DMD: variants seen among roughly 807,000 people sequenced by gnomAD.
DMD encodes dystrophin, also known as mutant dystrophin.
DMD carries 63 observed loss-of-function variants against 330.1 expected under a neutral mutation model. The observed-to-expected ratio is 0.19, with a 90% CI of 0.16 to 0.24. DMD has a LOEUF of 0.24. Ranked by LOEUF, DMD falls within the 10% of genes least tolerant of loss-of-function variation. The pLI, the probability that DMD is intolerant of heterozygous loss-of-function variation, is 1.00. For missense variants in DMD, 3,344 were observed against 2,684.1 expected (o/e 1.25, Z -5.43); for synonymous variants, 1,223 against 959.8 (o/e 1.27, Z -5.07).
At chrX:32,990,828 C>A (rs1424120194) in intron 2 of DMD, among the ~76,000 whole-genome samples, 2 of 111,240 alleles carry the variant, frequency 1.8e-5, no homozygotes, top group Middle Eastern at 4.7e-3. Flanking sequence ...TTGTGTCACA[C>A]AAGGAGAAAC....
At chrX:32,649,004 C>G (rs2059955514) in intron 9 of DMD, among the ~76,000 whole-genome samples, 1 of 111,561 alleles carries the variant, frequency 9.0e-6, no homozygotes, top group African/African-American at 3.3e-5. Flanking sequence ...TTTTCCTATG[C>G]TTCAATCCTA....
At chrX:32,085,649 T>TATATACGTATATATATACGC (rs371892664) in intron 44 of DMD, among the ~76,000 whole-genome samples, 4 of 44,306 alleles carry the variant, frequency 9.0e-5, no homozygotes, top group East Asian at 8.9e-4. Flanking sequence ...CGTATATATA[T>TATATACGTATATATATACGC]GTGTGTATAT....
chrX:32,660,921 A>G (rs771245837), intron 9 of DMD, among the ~76,000 whole-genome samples: 1 of 111,535 alleles, frequency 9.0e-6, no homozygotes, highest in East Asian at 2.8e-4. Flanking sequence ...CATAATCTAT[A>G]AACACACTTT....
intron 20 of DMD, among the ~76,000 whole-genome samples, chrX:32,485,322 T>G (rs1331837003): frequency 9.0e-6 from 1 of 111,218 alleles, no homozygotes; most frequent in East Asian, 2.8e-4. Context: ...ATAATGATAT[T>G]TAAATTTCAA....
At chrX:31,443,075 A>T (rs1474881202) in intron 60 of DMD, among the ~76,000 whole-genome samples, 1 of 111,774 alleles carries the variant, frequency 8.9e-6, no homozygotes, top group Non-Finnish European at 1.9e-5. Flanking sequence ...TTTTCTTATT[A>T]AAAAGTTAAA....
Position 31,261,192 on chromosome X carries a change from G to T in DMD, c.9225-176C>A, listed in dbSNP as rs763585906. ...AAATGTTTATCTTACAAGCAGAAAGGCCCCTTTCTGCTTTGTTTCCAAAGA... is the reference window on the plus strand; with the variant it reads ...AAATGTTTATCTTACAAGCAGAAAGTCCCCTTTCTGCTTTGTTTCCAAAGA... On this transcript the variant is annotated intron_variant, in intron 62 of 78. Transcript: ENST00000357033. 10 of 433,310 alleles carry T rather than the reference G, an allele frequency of 2.3e-5. No homozygotes were observed. Among genetic ancestry groups the T allele is most frequent in the Non-Finnish European group, 4.0e-5 (10 of 250,648 alleles). 35.7% of individuals were successfully genotyped at this position (433,310 alleles called of 1,213,427 possible). A position where few individuals can be genotyped will look rare whatever the true frequency, so the allele number is the denominator to read the frequency against.
At chrX:31,424,218 T>C (rs1259174750) in intron 60 of DMD, among the ~76,000 whole-genome samples, 3 of 111,883 alleles carry the variant, frequency 2.7e-5, no homozygotes, top group Non-Finnish European at 5.6e-5. Context: ...TATGTTGAAA[T>C]GTACTAAAAT....
chrX:32,281,828 T>C (rs1185787293), intron 43 of DMD, among the ~76,000 whole-genome samples: 2 of 111,764 alleles, frequency 1.8e-5, no homozygotes, highest in Admixed American at 1.9e-4. Flanking sequence ...AGAGGTTTCT[T>C]TTTTTGCTAT....
At chrX:31,557,332 A>G (rs1011719843) in intron 55 of DMD, among the ~76,000 whole-genome samples, 1 of 111,575 alleles carries the variant, frequency 9.0e-6, no homozygotes, top group African/African-American at 3.3e-5. Flanking sequence ...CCAAACTTCT[A>G]TGGGTAATTA....
chrX:33,020,322 A>G, intron 1 of DMD, 122 bp from the exon 2 acceptor site: 2 of 491,451 alleles, frequency 4.1e-6, no homozygotes, highest in East Asian at 7.9e-5. Context: ...TATTACATTC[A>G]TTGATAAATG....
In DMD at chrX:32,568,671, C is replaced by G. The variant is rs1232241065; in HGVS notation, c.1813-2790G>C. Among the ~76,000 whole-genome samples the G allele has an allele frequency of 2.7e-5, 3 of 111,427 alleles. No homozygotes were observed. The East Asian group carries it at 8.4e-4, about 31-fold the overall frequency. On this transcript the variant is annotated intron_variant, in intron 15 of 78. Coordinates refer to ENST00000357033, the MANE Select transcript of DMD (RefSeq NM_004006.3). Reference sequence around the variant, plus strand: ...CCTAGTAAATTTTAGATATGAGTATCAAAAATGATGATGGCAGATTAGTTG... The same window carrying G: ...CCTAGTAAATTTTAGATATGAGTATGAAAAATGATGATGGCAGATTAGTTG...
chrX:31,716,194 G>A (rs887623545), intron 52 of DMD, among the ~76,000 whole-genome samples: 5 of 111,968 alleles, frequency 4.5e-5, no homozygotes, highest in Non-Finnish European at 7.5e-5. Context: ...TCCCATCTCC[G>A]TATCTCTAGC....
intron 12 of DMD, among the ~76,000 whole-genome samples, chrX:32,612,044 C>A (rs1417016138): frequency 2.4e-5 from 2 of 83,344 alleles, no homozygotes; most frequent in Admixed American, 2.5e-4. Flanking sequence ...ACATCCTGAA[C>A]AAAAGATTTG....
At chrX:32,322,621 T>C (rs2097623965) in intron 41 of DMD, among the ~76,000 whole-genome samples, 1 of 111,608 alleles carries the variant, frequency 9.0e-6, no homozygotes, top group Non-Finnish European at 1.9e-5. Flanking sequence ...TAGAAACATT[T>C]AAAATTATAT....
chrX:32,754,460 ACT>A (rs753247053), intron 7 of DMD, among the ~76,000 whole-genome samples: 16 of 110,007 alleles, frequency 1.5e-4, no homozygotes, highest in African/African-American at 4.6e-4. Flanking sequence ...TCCTCTGCCA[ACT>A]CTGTCATATA....
At position 31,173,573 on chromosome X, in the gene DMD, C is replaced by T; in HGVS notation, c.10294G>A (p.Asp3432Asn). 1 of 1,210,248 alleles carries T rather than the reference C, an allele frequency of 8.3e-7. No homozygotes were observed. The highest frequency in any genetic ancestry group is 1.1e-6 in the Non-Finnish European group (1 of 894,353). ...PASSPQLSHD[D>N]THSRIEHYAS... ...TAATGTTCAATGCGTGAATGAGTAT[C>T]ATCGTGTGAAAGCTGAGGGGACGAG... is the stretch of plus-strand genomic sequence containing the variant. The change falls in exon 72 of 79, where the codon GAT becomes AAT. Residue 3432 changes from aspartate to asparagine, a missense_variant. Asp to Asn is a conservative substitution (Grantham distance 23). Coordinates refer to ENST00000357033, the MANE Select transcript of DMD (RefSeq NM_004006.3).
At chrX:31,226,787 G>A (rs981855069) in intron 63 of DMD, among the ~76,000 whole-genome samples, 7 of 111,565 alleles carry the variant, frequency 6.3e-5, no homozygotes, top group Non-Finnish European at 1.3e-4. Flanking sequence ...TGCTAGTGTG[G>A]AGTTCCCTTA....
chrX:32,752,680 G>A lies in DMD; in HGVS notation c.650-53387C>T, dbSNP rs1294943857. Among the ~76,000 whole-genome samples the A allele has an allele frequency of 3.7e-5, 4 of 108,380 alleles. No individual in the cohort carries two copies. In the Admixed American group the frequency reaches 4.0e-4, roughly 11 times the overall value. 94.1% of individuals were successfully genotyped at this position (108,380 alleles called of 115,157 possible). On this transcript the variant is annotated intron_variant, in intron 7 of 78. Coordinates refer to ENST00000357033, the MANE Select transcript of DMD (RefSeq NM_004006.3). ...ATTTGGGAGGGGCCGGGGGTGGAAT[G>A]ATATGGTTTGGCTGAGTCCCCACCC...
At chrX:31,955,331 T>C (rs1227180301) in intron 45 of DMD, among the ~76,000 whole-genome samples, 1 of 112,384 alleles carries the variant, frequency 8.9e-6, no homozygotes, top group African/African-American at 3.2e-5. Flanking sequence ...TGTTCTACCC[T>C]GTCGTCACTA....
Sources: gnomAD v4.1 joint callset for allele counts (sites outside exome capture counted in the v4.1 genomes callset) on GRCh38, gnomAD v4.1.1 for gene constraint, MANE v1.5 for transcripts, NCBI Gene and HGNC (gene_info 2026-07-23, HGNC 2026-07-21) for gene names.